The following ZFP1 variants were observed in gnomAD, a reference collection of about 807,000 sequenced individuals.
The protein encoded by ZFP1 is zinc finger protein 1 homolog.
ZFP1 carries 32 observed loss-of-function variants against 38.5 expected under a neutral mutation model. The ratio of observed to expected loss-of-function variants is 0.83; its 90% CI spans 0.63 to 1.12. ZFP1 has a LOEUF of 1.12. ZFP1 is among the 50% of genes most tolerant of loss of function. The pLI is 0.00. For synonymous variants in ZFP1, 245 were observed against 168.8 expected (o/e 1.45, Z -3.50); for missense variants, 616 against 480.8 (o/e 1.28, Z -2.63).
In ZFP1 at chr16:75,170,288, C is replaced by T. The variant is rs2038354810; in HGVS notation, c.1178C>T (p.Ser393Phe). Residue 393 changes from serine to phenylalanine, a missense_variant, in exon 4 of 4, where the codon TCC (serine) becomes TTC (phenylalanine). Coordinates refer to ENST00000570010, the MANE Select transcript of ZFP1 (RefSeq NM_153688.4). The part of the protein sequence containing the change: ...SECGKAFSRK[S>F]RLSVHQRVHI... ...TGTGGGAAGGCCTTTAGCAGGAAGT[C>T]CCGACTCAGTGTCCATCAGAGAGTT... 6.2e-7 allele frequency: 1 copy of T among 1,609,080 alleles called. No individual in the cohort carries two copies. The highest frequency in any genetic ancestry group is 8.5e-7 in the Non-Finnish European group (1 of 1,177,256).
the ZFP1 span, among the ~76,000 whole-genome samples, chr16:75,131,240 G>A: frequency 6.6e-6 from 1 of 152,166 alleles, no homozygotes; most frequent in Non-Finnish European, 1.5e-5. Flanking sequence ...GGAAGCTCAG[G>A]GAGGGCTTTC....
chr16:75,135,078 C>G, the ZFP1 span, among the ~76,000 whole-genome samples: 1 of 150,972 alleles, frequency 6.6e-6, no homozygotes, highest in Non-Finnish European at 1.5e-5. Flanking sequence ...AAAAAACTAG[C>G]TGGTGCCTGT....
chr16:75,139,515 G>A, the ZFP1 span, among the ~76,000 whole-genome samples: 1 of 151,704 alleles, frequency 6.6e-6, no homozygotes, highest in Non-Finnish European at 1.5e-5. Context: ...AACAGAGAGA[G>A]ACCCCATCTC....
At chr16:75,149,586 G>T (rs1350859021) in intron 1 of ZFP1, among the ~76,000 whole-genome samples, 12 of 135,576 alleles carry the variant, frequency 8.9e-5, no homozygotes, top group Admixed American at 3.0e-4. Flanking sequence ...TTGAGACGGA[G>T]TCTCGCTCTG....
chr16:75,155,975 G>C (rs1254920484), intron 2 of ZFP1, among the ~76,000 whole-genome samples: 1 of 151,970 alleles, frequency 6.6e-6, no homozygotes, highest in African/African-American at 2.4e-5. Flanking sequence ...AGATGCATCC[G>C]TGGGCCCTTT....
the ZFP1 span, among the ~76,000 whole-genome samples, chr16:75,122,520 T>C: frequency 6.6e-6 from 1 of 152,194 alleles, no homozygotes; most frequent in Non-Finnish European, 1.5e-5. Flanking sequence ...AACTTTAAAA[T>C]GGAGAATCAA....
the ZFP1 span, among the ~76,000 whole-genome samples, chr16:75,128,364 T>C: frequency 3.3e-5 from 5 of 152,228 alleles, no homozygotes; most frequent in African/African-American, 1.2e-4. Context: ...TCAAAACCAG[T>C]TTAAAAGCCT....
the ZFP1 span, among the ~76,000 whole-genome samples, chr16:75,122,744 TATC>T: frequency 6.6e-6 from 1 of 152,272 alleles, no homozygotes; most frequent in Non-Finnish European, 1.5e-5. Flanking sequence ...AAAGCACTGT[TATC>T]ATCTTTGTTT....
At chr16:75,159,941 A>G (rs2037680185) in intron 2 of ZFP1, among the ~76,000 whole-genome samples, 1 of 152,080 alleles carries the variant, frequency 6.6e-6, no homozygotes, top group Non-Finnish European at 1.5e-5. Context: ...CTTTTGTGGC[A>G]TCTCAACTGT....
At chr16:75,123,662 G>C in the ZFP1 span, among the ~76,000 whole-genome samples, 1 of 150,860 alleles carries the variant, frequency 6.6e-6, no homozygotes. Flanking sequence ...TATTTTAGTA[G>C]AGACAGAGTT....
At chr16:75,150,718 C>G (rs908622521) in intron 1 of ZFP1, among the ~76,000 whole-genome samples, 1 of 151,888 alleles carries the variant, frequency 6.6e-6, no homozygotes, top group Non-Finnish European at 1.5e-5. Context: ...AGCCACTGCA[C>G]CAGGCCTGTT....
intron 2 of ZFP1, among the ~76,000 whole-genome samples, chr16:75,160,518 G>T (rs978522394): frequency 1.3e-4 from 20 of 152,094 alleles, no homozygotes; most frequent in Non-Finnish European, 2.6e-4. Flanking sequence ...AATTAGCCAA[G>T]TGTGGTGGCA....
At chr16:75,140,179 A>G in the ZFP1 span, among the ~76,000 whole-genome samples, 1 of 152,076 alleles carries the variant, frequency 6.6e-6, no homozygotes, top group Admixed American at 6.6e-5. Flanking sequence ...GAGGCAGGAG[A>G]ATCTCTTGAA....
chr16:75,136,344 T>G, the ZFP1 span, among the ~76,000 whole-genome samples: 3 of 152,200 alleles, frequency 2.0e-5, no homozygotes, highest in Non-Finnish European at 4.4e-5. Context: ...ATGAAGTTGT[T>G]TTTTGCAGGG....
the ZFP1 span, among the ~76,000 whole-genome samples, chr16:75,135,422 C>A: frequency 6.6e-6 from 1 of 152,100 alleles, no homozygotes; most frequent in African/African-American, 2.4e-5. Flanking sequence ...CTGTATTATT[C>A]CATCCACATG....
chr16:75,140,446 A>C, the ZFP1 span, among the ~76,000 whole-genome samples: 6 of 151,534 alleles, frequency 4.0e-5, no homozygotes, highest in African/African-American at 1.2e-4. Context: ...TGTCCCCTCA[A>C]CTCCTGCTAT....
intron 2 of ZFP1, among the ~76,000 whole-genome samples, chr16:75,160,896 G>T (rs1482884836): frequency 2.0e-5 from 3 of 152,032 alleles, no homozygotes; most frequent in Non-Finnish European, 4.4e-5. Flanking sequence ...CTCACAAGGG[G>T]AGGAGCCTCT....
chr16:75,161,306 T>A (rs1273618096), intron 2 of ZFP1, among the ~76,000 whole-genome samples: 17 of 151,886 alleles, frequency 1.1e-4, no homozygotes, highest in Non-Finnish European at 1.6e-4. Flanking sequence ...TGGCTACAAG[T>A]GATCTCCCCG....
intron 2 of ZFP1, among the ~76,000 whole-genome samples, chr16:75,162,767 G>C (rs756754763): frequency 7.9e-5 from 12 of 152,058 alleles, no homozygotes; most frequent in Non-Finnish European, 1.5e-4. Context: ...GCGCTATTTG[G>C]ATTTCTGTTT....
Sources: allele counts gnomAD v4.1 joint callset (sites outside exome capture counted in the v4.1 genomes callset), GRCh38; gene constraint gnomAD v4.1.1; transcripts MANE v1.5; gene names NCBI Gene and HGNC (gene_info 2026-07-23, HGNC 2026-07-21).